Variants in SLC35D2 observed in about 807,000 individuals in gnomAD.
SLC35D2 encodes solute carrier family 35 member D2.
Under a neutral mutation model 41.8 loss-of-function variants are expected in SLC35D2, and 43 were observed. That is an observed-to-expected ratio of 1.03 (90% CI 0.81 to 1.33). The LOEUF is 1.33. Among genes scored for constraint, SLC35D2 ranks in the 40% most tolerant of loss-of-function variants. The pLI, the probability that SLC35D2 is intolerant of heterozygous loss-of-function variation, is 0.00. For synonymous variants in SLC35D2, 150 were observed against 163.9 expected, an observed-to-expected ratio of 0.92 and a Z score of 0.65; for missense variants, 380 against 408.4, an observed-to-expected ratio of 0.93 and a Z score of 0.60.
intron 9 of SLC35D2, among the ~76,000 whole-genome samples, chr9:96,334,580 G>A (rs1828965203): frequency 1.3e-5 from 2 of 152,186 alleles, no homozygotes; most frequent in African/African-American, 4.8e-5. Flanking sequence ...AGAGGTTGCA[G>A]TGAGCCAAGA....
At chr9:96,336,138 G>A (rs1829042674) in intron 9 of SLC35D2, among the ~76,000 whole-genome samples, 1 of 151,854 alleles carries the variant, frequency 6.6e-6, no homozygotes, top group Non-Finnish European at 1.5e-5. Context: ...TCTCTCTTTA[G>A]AAATTTTCCT....
At chr9:96,337,198 A>C (rs1829085943) in intron 8 of SLC35D2, among the ~76,000 whole-genome samples, 1 of 152,100 alleles carries the variant, frequency 6.6e-6, no homozygotes, top group African/African-American at 2.4e-5. Flanking sequence ...TTTTAGAAGA[A>C]AGTTAATTAT....
intron 9 of SLC35D2, among the ~76,000 whole-genome samples, chr9:96,329,088 C>CA (rs11325875): frequency 0.093 from 8,854 of 94,956 alleles, 314 homozygotes; most frequent in Middle Eastern, 0.13. Flanking sequence ...GACTCCATCT[C>CA]AAAAAAAAAA....
chr9:96,371,213 C>T lies in SLC35D2; in HGVS notation c.159-2908G>A, dbSNP rs1159483266. ...GATGCAGTGGCTCATGCCTGTAATC[C>T]CAGCACTTTGGGAGGCCGAGGCGGG... On this transcript the variant is annotated intron_variant, in intron 1 of 11. Coordinates refer to ENST00000253270, the MANE Select transcript of SLC35D2 (RefSeq NM_007001.3). Among the ~76,000 whole-genome samples the T allele has an allele frequency of 2.0e-5, 3 of 151,902 alleles. No homozygotes were observed. In the East Asian group the frequency reaches 5.8e-4, roughly 29 times the overall value.
At chr9:96,328,911 A>C (rs1441194724) in intron 9 of SLC35D2, among the ~76,000 whole-genome samples, 1 of 152,104 alleles carries the variant, frequency 6.6e-6, no homozygotes, top group African/African-American at 2.4e-5. Context: ...AACATGGTGA[A>C]ACCCCGTCTC....
At chr9:96,373,685 CAA>C (rs11315245) in intron 1 of SLC35D2, among the ~76,000 whole-genome samples, 6,175 of 114,108 alleles carry the variant, frequency 0.054, 152 homozygotes, top group Middle Eastern at 0.085. Context: ...AAGACTCTCT[CAA>C]AAAAAAAAAA....
rs1314109105 is a variant in SLC35D2, at chr9:96,362,018, G to A, written c.280-1797C>T. On this transcript the variant is annotated intron_variant, in intron 3 of 11. Coordinates refer to ENST00000253270, the MANE Select transcript of SLC35D2 (RefSeq NM_007001.3). ...TTTTTATTTTTCTAGCCCTCAAACT[G>A]GAAACATCCAAATTACAATAGAACA... Among the ~76,000 whole-genome samples the A allele has an allele frequency of 7.9e-5, 12 of 152,124 alleles. No homozygotes were observed. In the East Asian group the frequency reaches 2.1e-3, roughly 27 times the overall value.
At chr9:96,328,737 T>C (rs902629766) in intron 9 of SLC35D2, among the ~76,000 whole-genome samples, 2 of 152,126 alleles carry the variant, frequency 1.3e-5, no homozygotes, top group Non-Finnish European at 2.9e-5. Flanking sequence ...CAACAAACGT[T>C]CAAATATTCA....
intron 8 of SLC35D2, among the ~76,000 whole-genome samples, chr9:96,341,383 CA>C (rs2130899290): frequency 6.6e-6 from 1 of 152,268 alleles, no homozygotes; most frequent in East Asian, 1.9e-4. Context: ...AAGGAGAAAA[CA>C]AACACTTTTC....
intron 1 of SLC35D2, among the ~76,000 whole-genome samples, chr9:96,371,639 A>G (rs942564100): frequency 6.6e-5 from 10 of 150,560 alleles, no homozygotes; most frequent in East Asian, 1.9e-4. Context: ...AAAGAAATAT[A>G]TATCTTTGAA....
At chr9:96,353,478 C>T (rs1006887928) in intron 4 of SLC35D2, among the ~76,000 whole-genome samples, 6 of 152,048 alleles carry the variant, frequency 3.9e-5, no homozygotes, top group East Asian at 1.9e-4. Flanking sequence ...CTCAGCCTCT[C>T]GGGTAGCTGG....
chr9:96,374,523 A>T (rs1314593678), intron 1 of SLC35D2, among the ~76,000 whole-genome samples: 1 of 113,666 alleles, frequency 8.8e-6, no homozygotes, highest in Non-Finnish European at 1.8e-5. Flanking sequence ...ACAAAGCGAG[A>T]CTCCGTCTCA....
In SLC35D2 at chr9:96,345,339, G is replaced by A. The variant is rs1225887666; in HGVS notation, c.551C>T (p.Ala184Val). The A allele has an allele frequency of 6.2e-7, 1 of 1,612,126 alleles. No homozygotes were observed. Among genetic ancestry groups the A allele is most frequent in the African/African-American group, 1.3e-5 (1 of 74,938 alleles). The change falls in exon 7 of 12, where the codon GCA (alanine) becomes GTA (valine). Residue 184 changes from alanine to valine, a missense_variant. Coordinates refer to ENST00000253270, the MANE Select transcript of SLC35D2 (RefSeq NM_007001.3). ...IFVFLNDIFT[A>V]ANGVYTKQKM... ...CTGTTTGGTATAAACTCCATTTGCT[G>A]CTGTGAAGATATCATTCAGGAATAC...
intron 9 of SLC35D2, among the ~76,000 whole-genome samples, chr9:96,331,709 A>G (rs1237211259): frequency 1.3e-5 from 2 of 152,160 alleles, no homozygotes; most frequent in East Asian, 1.9e-4. Context: ...GGAGTCCCCA[A>G]GCCCCAGGCC....
chr9:96,369,465 T>C (rs1198801000), intron 1 of SLC35D2, among the ~76,000 whole-genome samples: 1 of 152,042 alleles, frequency 6.6e-6, no homozygotes, highest in Non-Finnish European at 1.5e-5. Flanking sequence ...CACCAACATA[T>C]CACCCAAGAC....
In SLC35D2 at chr9:96,336,783, G is replaced by A; in HGVS notation, c.686C>T (p.Ala229Val). The A allele has an allele frequency of 6.4e-7, 1 of 1,553,524 alleles. No individual in the cohort carries two copies. Among genetic ancestry groups the A allele is most frequent in the Non-Finnish European group, 8.8e-7 (1 of 1,136,996 alleles). The change falls in exon 9 of 12, where the codon GCT becomes GTT. Residue 229 changes from alanine to valine, a missense_variant and splice_region_variant. Ala to Val is a moderately conservative substitution (Grantham distance 64, BLOSUM62 0). Transcript: ENST00000253270. ...ATTCTTCCATTGGTTGAATTCAGTA[G>A]CCTATTATTAAAAAGAAAAAAACTA... Reference protein sequence around the residue: ...ISVSTGDLQQATEFNQWKNVV... With the variant: ...ISVSTGDLQQVTEFNQWKNVV...
At chr9:96,327,972 A>C (rs536422867) in intron 9 of SLC35D2, among the ~76,000 whole-genome samples, 40 of 151,886 alleles carry the variant, frequency 2.6e-4, no homozygotes, top group African/African-American at 9.2e-4. Context: ...CAAATATAGA[A>C]CCACCAGGCT....
At chr9:96,348,669 C>G (rs937968422) in intron 6 of SLC35D2, among the ~76,000 whole-genome samples, 2 of 152,174 alleles carry the variant, frequency 1.3e-5, no homozygotes, top group Non-Finnish European at 2.9e-5. Context: ...ACTATGAATG[C>G]CAGCTACCAG....
intron 7 of SLC35D2, 53 bp downstream of exon 7, chr9:96,345,246 T>G: frequency 1.1e-6 from 1 of 880,910 alleles, no homozygotes; most frequent in Non-Finnish European, 1.8e-6. Context: ...ATTTTTCATA[T>G]AATTCTAGGG....
Sources: gnomAD v4.1 joint callset for allele counts (sites outside exome capture counted in the v4.1 genomes callset) on GRCh38, gnomAD v4.1.1 for gene constraint, MANE v1.5 for transcripts, NCBI Gene and HGNC (gene_info 2026-07-23, HGNC 2026-07-21) for gene names.